Variants in FBXO38 observed in about 807,000 individuals in gnomAD.
FBXO38 encodes F-box protein 38, also known as F-box only protein 38.
A neutral mutation model predicts 131.9 loss-of-function variants in FBXO38; 53 were observed. The ratio of observed to expected loss-of-function variants is 0.40; its 90% confidence interval spans 0.32 to 0.51. FBXO38 has a LOEUF of 0.51. Ranked by LOEUF, FBXO38 falls within the 20% of genes least tolerant of loss-of-function variation. The probability of loss-of-function intolerance (pLI) is 0.53; values close to 1 mark genes in which losing one functional copy is unlikely to be tolerated. For synonymous variants in FBXO38, 452 were observed against 505.6 expected (o/e 0.89, Z 1.42); for missense variants, 1,076 against 1,475.6 (o/e 0.73, Z 4.44).
At chr5:148,421,255 C>T (rs544677673) in intron 12 of FBXO38, among the ~76,000 whole-genome samples, 4 of 152,294 alleles carry the variant, frequency 2.6e-5, no homozygotes, top group South Asian at 2.1e-4. Flanking sequence ...TGAGCCACCA[C>T]GCCCGGCCAA....
chr5:148,440,639 A>C, intron 20 of FBXO38, 112 bp downstream of exon 20: 1 of 630,206 alleles, frequency 1.6e-6, no homozygotes, highest in South Asian at 2.2e-5. Context: ...CAAGAGTTCA[A>C]GACCGGCCTG....
intron 17 of FBXO38, among the ~76,000 whole-genome samples, chr5:148,437,728 T>A (rs1186368608): frequency 6.6e-6 from 1 of 152,196 alleles, no homozygotes. Flanking sequence ...TTTTCTGACT[T>A]CATGTTTTAT....
intron 5 of FBXO38, among the ~76,000 whole-genome samples, chr5:148,403,739 C>T (rs1276492513): frequency 1.3e-5 from 2 of 152,112 alleles, no homozygotes; most frequent in Non-Finnish European, 2.9e-5. Flanking sequence ...AGAATTTAGC[C>T]TTTATAAACA....
chr5:148,396,128 G>A (rs1170482468), intron 2 of FBXO38, among the ~76,000 whole-genome samples: 1 of 151,912 alleles, frequency 6.6e-6, no homozygotes, highest in Non-Finnish European at 1.5e-5. Flanking sequence ...GTGACACATT[G>A]TAGTTTTTGC....
chr5:148,440,935 C>G (rs988752855), intron 20 of FBXO38, among the ~76,000 whole-genome samples, 189 bp from the exon 21 acceptor site: 5 of 152,138 alleles, frequency 3.3e-5, no homozygotes, highest in East Asian at 3.9e-4. Context: ...ATTTCTAGGA[C>G]AATCAGAACC....
chr5:148,385,221 T>C (rs1757848757), intron 1 of FBXO38: 2 of 152,218 alleles, frequency 1.3e-5, no homozygotes, highest in Non-Finnish European at 2.9e-5. Flanking sequence ...TTAAAATATG[T>C]GATGCTGTAA....
At position 148,436,947 on chromosome 5, in the gene FBXO38, C is replaced by A. The variant is rs771258197; in HGVS notation, c.2858-1385C>A. ...AGTAGGGGTACTCACCCTAGCCTTA[C>A]AGTAGCACTGGAAGAACTTTCATTC... On this transcript the variant is annotated intron_variant, in intron 17 of 21. Transcript: ENST00000340253. Among the ~76,000 whole-genome samples, 3 of 152,350 alleles carry A rather than the reference C, an allele frequency of 2.0e-5. No homozygotes were observed. The South Asian group carries it at 6.2e-4, about 32-fold the overall frequency.
intron 17 of FBXO38, among the ~76,000 whole-genome samples, chr5:148,435,501 G>A (rs1273571673): frequency 6.6e-6 from 1 of 152,234 alleles, no homozygotes; most frequent in Non-Finnish European, 1.5e-5. Context: ...GCCGGGCGCA[G>A]TGCTTTACGC....
chr5:148,426,898 G>A (rs187673667), intron 14 of FBXO38, among the ~76,000 whole-genome samples: 4 of 152,318 alleles, frequency 2.6e-5, no homozygotes, highest in Non-Finnish European at 5.9e-5. Flanking sequence ...CCCTGAGGTA[G>A]TAAAGCAGGG....
rs1240623741 is a variant in FBXO38, at chr5:148,433,654, A to G, written c.2774A>G (p.Lys925Arg). Reference sequence around the variant, plus strand: ...TTGTAGGTTCTTGTATTAAAATCCAAGAATCTTGTTGGAGTCACTATGACC... The same window carrying G: ...TTGTAGGTTCTTGTATTAAAATCCAGGAATCTTGTTGGAGTCACTATGACC... ...DHVQVLVLKS[K>R]NLVGVTMTNC... Residue 925 changes from lysine to arginine, a missense_variant, in exon 17 of 22, where the codon AAG becomes AGG. Physicochemically the swap from Lys to Arg is conservative, Grantham distance 26 (BLOSUM62 2). Coordinates refer to ENST00000340253, the MANE Select transcript of FBXO38 (RefSeq NM_205836.3). 2 of 1,605,554 alleles carry G rather than the reference A, an allele frequency of 1.2e-6. No homozygotes were observed. Among genetic ancestry groups the G allele is most frequent in the Non-Finnish European group, 1.7e-6 (2 of 1,176,946 alleles).
intron 12 of FBXO38, among the ~76,000 whole-genome samples, chr5:148,423,246 T>C (rs1016596180): frequency 6.6e-6 from 1 of 152,298 alleles, no homozygotes; most frequent in East Asian, 1.9e-4. Context: ...TTGCTCATAG[T>C]TCCTGTAGTG....
intron 3 of FBXO38, 62 bp downstream of exon 3, chr5:148,399,194 C>G (rs1251526185): frequency 7.6e-6 from 12 of 1,571,228 alleles, no homozygotes. Context: ...ACAATGGTTT[C>G]ATAAAAAGTT....
intron 12 of FBXO38, among the ~76,000 whole-genome samples, chr5:148,422,749 T>G (rs1753511614): frequency 6.6e-6 from 1 of 152,216 alleles, no homozygotes; most frequent in Non-Finnish European, 1.5e-5. Flanking sequence ...ATCAGCAACT[T>G]TGGAAAACCT....
intron 9 of FBXO38, among the ~76,000 whole-genome samples, chr5:148,412,534 A>C (rs960805664): frequency 6.6e-6 from 1 of 152,140 alleles, no homozygotes; most frequent in Admixed American, 6.5e-5. Flanking sequence ...TTCTTTGTTC[A>C]TGTGGATTTA....
chr5:148,421,364 G>T (rs1753419300), intron 12 of FBXO38, among the ~76,000 whole-genome samples: 1 of 152,012 alleles, frequency 6.6e-6, no homozygotes, highest in Non-Finnish European at 1.5e-5. Flanking sequence ...TATTTTTGAA[G>T]CCTAAGGGCA....
intron 6 of FBXO38, among the ~76,000 whole-genome samples, chr5:148,405,939 G>A (rs2113546560): frequency 6.6e-6 from 1 of 152,298 alleles, no homozygotes; most frequent in East Asian, 1.9e-4. Flanking sequence ...AAATGATTGA[G>A]CTGTTTACTT....
intron 11 of FBXO38, chr5:148,416,549 A>G (rs1753065255): frequency 5.9e-6 from 1 of 168,518 alleles, no homozygotes; most frequent in Non-Finnish European, 1.3e-5. Flanking sequence ...ACAAAATGTT[A>G]TTTTAAAACT....
chr5:148,425,402 AG>A (rs2113620676), intron 13 of FBXO38, 119 bp from the exon 14 acceptor site: 2 of 693,588 alleles, frequency 2.9e-6, no homozygotes, highest in East Asian at 5.2e-5. Flanking sequence ...AATGTGTGCC[AG>A]GGGAGGCTGT....
rs570737267 is a variant in FBXO38 at position 148,415,842 on chromosome 5, A to G, written c.1265-86A>G. 1.9e-5 allele frequency: 26 copies of G among 1,375,624 alleles called. 1 individual carries two copies. In the African/African-American group the frequency reaches 2.3e-4, roughly 12 times the overall value. 85.2% of individuals were successfully genotyped at this position (1,375,624 alleles called of 1,614,324 possible). On this transcript the variant is annotated intron_variant, in intron 10 of 21. Coordinates refer to ENST00000340253, the MANE Select transcript of FBXO38 (RefSeq NM_205836.3). ...AAGTTATTTTAAAAAAAAGGATTTG[A>G]AAGTCTTTGTGACCTGTATCAAAAT...
Sources: gnomAD v4.1 joint callset for allele counts (sites outside exome capture counted in the v4.1 genomes callset) on GRCh38, gnomAD v4.1.1 for gene constraint, MANE v1.5 for transcripts, NCBI Gene and HGNC (gene_info 2026-07-23, HGNC 2026-07-21) for gene names.